MTUS1: variants seen among roughly 807,000 people sequenced by gnomAD.
MTUS1 encodes microtubule associated scaffold protein 1.
A neutral mutation model predicts 120.8 loss-of-function variants in MTUS1; 109 were observed. That is an observed-to-expected ratio of 0.90 (90% CI 0.77 to 1.06). MTUS1 has a LOEUF of 1.06. MTUS1 is among the 50% of genes least tolerant of loss of function. MTUS1 has a pLI of 0.00. For synonymous variants in MTUS1, 737 were observed against 550.5 expected (o/e 1.34, Z -4.74); for missense variants, 2,210 against 1,486.3 (o/e 1.49, Z -8.01).
intron 3 of MTUS1, among the ~76,000 whole-genome samples, chr8:17,727,367 G>A (rs913034755): frequency 3.3e-5 from 5 of 152,168 alleles, no homozygotes; most frequent in Non-Finnish European, 7.3e-5. Context: ...CACCTGCCCA[G>A]TGTTCCCTCG....
rs1203002203 is a variant in MTUS1, at chr8:17,754,484, C to G, written c.1324G>C (p.Val442Leu). ...VLEPTKVTFS[V>L]SPIEATEKCK... The stretch of plus-strand genomic sequence containing the variant: ...TTCTCCGTCGCTTCAATCGGTGAAA[C>G]AGAAAAGGTTACTTTTGTGGGTTCT... The change falls in exon 2 of 15, where the codon GTT (valine) becomes CTT (leucine). Residue 442 changes from valine (V) to leucine (L), a missense_variant. Coordinates refer to ENST00000693296, the MANE Select transcript of MTUS1 (RefSeq NM_001363059.2). 1.2e-6 allele frequency: 2 copies of G among 1,614,082 alleles called. No homozygotes were observed. Among genetic ancestry groups the G allele is most frequent in the Non-Finnish European group, 8.5e-7 (1 of 1,180,040 alleles).
rs183249845 is a variant in MTUS1, at chr8:17,648,350, G to C, written c.3502-1271C>G. Among the ~76,000 whole-genome samples, 8 of 152,312 alleles carry C rather than the reference G, an allele frequency of 5.3e-5. No individual in the cohort carries two copies. The East Asian group carries it at 1.5e-3, about 29-fold the overall frequency. ...TCAGGATACCTCTGGGGCATGGCAA[G>C]AAACAAATAGTAGATCATCAGAAAT... On this transcript the variant is annotated intron_variant, in intron 13 of 14. Coordinates refer to ENST00000693296, the MANE Select transcript of MTUS1 (RefSeq NM_001363059.2).
At chr8:17,783,892 A>T (rs528485843) in intron 1 of MTUS1, among the ~76,000 whole-genome samples, 22 of 152,216 alleles carry the variant, frequency 1.4e-4, no homozygotes, top group African/African-American at 4.6e-4. Context: ...ATTCCCAAAG[A>T]CCTATGGGCC....
At chr8:17,751,562 T>C (rs1168549286) in intron 2 of MTUS1, among the ~76,000 whole-genome samples, 1 of 65,666 alleles carries the variant, frequency 1.5e-5, no homozygotes, top group Non-Finnish European at 5.4e-5. Flanking sequence ...TCAGACATGA[T>C]CGTGAAAAAA....
In MTUS1 at chr8:17,723,774, GA is replaced by G. The variant is rs2046004854; in HGVS notation, c.2346del (p.Pro783LeufsTer7). 3 of 1,610,182 alleles carry G rather than the reference GA, an allele frequency of 1.9e-6. No homozygotes were observed. In the African/African-American group the frequency reaches 4.0e-5, roughly 21 times the overall value. On this transcript the variant is annotated frameshift_variant, in exon 4 of 15. Coordinates refer to ENST00000693296, the MANE Select transcript of MTUS1 (RefSeq NM_001363059.2). LOFTEE classifies it high-confidence loss of function. ...CTTTTCAAAGATGCTTTGGATTTAG[GA>G]AGTGGTCTAGGCAAATTCACCCATG... ...QSSWVNLPRP[L>X]PKSKASLKSP... is the part of the protein sequence containing the mutation.
At chr8:17,720,978 G>A (rs2045795095) in intron 4 of MTUS1, among the ~76,000 whole-genome samples, 1 of 151,974 alleles carries the variant, frequency 6.6e-6, no homozygotes, top group African/African-American at 2.4e-5. Context: ...ATTTTGATTT[G>A]GTCATTTAAA....
intron 1 of MTUS1, among the ~76,000 whole-genome samples, chr8:17,759,039 G>C (rs534289747): frequency 6.6e-6 from 1 of 152,064 alleles, no homozygotes; most frequent in African/African-American, 2.4e-5. Context: ...CCGCCACCAT[G>C]CCCGGCTCAT....
chr8:17,754,444 T>C lies in MTUS1; in HGVS notation c.1364A>G (p.Glu455Gly). Residue 455 changes from glutamate (E) to glycine (G), a missense_variant, in exon 2 of 15, where the codon GAG becomes GGG. Glu to Gly is a moderately conservative substitution (Grantham distance 98, BLOSUM62 -2). Transcript: ENST00000693296. ...IEATEKCKKV[E>G]KGNRGLKNIP... ...GTTTTTAAGCCCTCGATTACCCTTC[T>C]CCACTTTCTTACATTTCTCCGTCGC... The C allele has an allele frequency of 6.2e-7, 1 of 1,614,216 alleles. No individual in the cohort carries two copies. Among genetic ancestry groups the C allele is most frequent in the African/African-American group, 1.3e-5 (1 of 75,050 alleles).
intron 1 of MTUS1, among the ~76,000 whole-genome samples, chr8:17,758,968 G>A (rs1158155943): frequency 6.6e-6 from 1 of 152,120 alleles, no homozygotes; most frequent in African/African-American, 2.4e-5. Context: ...TGCAACGTCC[G>A]CCTCCCGGGT....
chr8:17,726,777 T>C (rs1216511121), intron 3 of MTUS1, among the ~76,000 whole-genome samples: 3 of 152,146 alleles, frequency 2.0e-5, no homozygotes, highest in African/African-American at 7.2e-5. Context: ...ATTTGCCAAA[T>C]TGCCGCCCCT....
chr8:17,689,224 A>G (rs1392626113), intron 6 of MTUS1, among the ~76,000 whole-genome samples: 1 of 152,026 alleles, frequency 6.6e-6, no homozygotes, highest in African/African-American at 2.4e-5. Flanking sequence ...AAACAAACAA[A>G]CAAACAAACA....
At chr8:17,722,183 G>A in intron 4 of MTUS1, 2 of 1,064,654 alleles carry the variant, frequency 1.9e-6, no homozygotes, top group South Asian at 3.9e-5. Context: ...ATGGACAAAA[G>A]CACTTTACAG....
intron 1 of MTUS1, among the ~76,000 whole-genome samples, chr8:17,775,609 ATTAAC>A (rs369438833): frequency 4.2e-4 from 64 of 152,374 alleles, no homozygotes; most frequent in Middle Eastern, 3.4e-3. Flanking sequence ...TTCTCACTCT[ATTAAC>A]TTAACTATCA....
intron 5 of MTUS1, among the ~76,000 whole-genome samples, chr8:17,715,176 G>A (rs147144404): frequency 6.2e-4 from 95 of 152,108 alleles, no homozygotes; most frequent in African/African-American, 2.3e-3. Context: ...AAAGTGCTGG[G>A]ATTACAGGCG....
At chr8:17,734,093 T>C (rs1228383987) in intron 3 of MTUS1, 3 of 152,198 alleles carry the variant, frequency 2.0e-5, no homozygotes, top group Non-Finnish European at 4.4e-5. Flanking sequence ...TAAGAACAAA[T>C]GTGATGAAAC....
intron 1 of MTUS1, among the ~76,000 whole-genome samples, chr8:17,757,559 C>T (rs2048718589): frequency 6.6e-6 from 1 of 152,168 alleles, no homozygotes. Context: ...TGGAGTCTTG[C>T]TCTGCCACCC....
At chr8:17,652,386 C>T (rs1249313259) in intron 12 of MTUS1, among the ~76,000 whole-genome samples, 1 of 152,184 alleles carries the variant, frequency 6.6e-6, no homozygotes, top group East Asian at 1.9e-4. Context: ...CGACGCCAGT[C>T]TTAAAAGGAC....
chr8:17,647,458 GAA>G (rs112070816), intron 13 of MTUS1, among the ~76,000 whole-genome samples: 80 of 136,196 alleles, frequency 5.9e-4, no homozygotes, highest in African/African-American at 2.0e-3. Flanking sequence ...AATTTTGCTG[GAA>G]AAAAAAAAAA....
At chr8:17,769,450 C>T (rs946893806) in intron 1 of MTUS1, among the ~76,000 whole-genome samples, 1 of 150,972 alleles carries the variant, frequency 6.6e-6, no homozygotes, top group South Asian at 2.1e-4. Flanking sequence ...CGGGTTCACG[C>T]CATTCTCCTG....
Sources: allele counts gnomAD v4.1 joint callset (sites outside exome capture counted in the v4.1 genomes callset), GRCh38; gene constraint gnomAD v4.1.1; transcripts MANE v1.5; gene names NCBI Gene and HGNC (gene_info 2026-07-23, HGNC 2026-07-21).